Variants in EZR observed in about 807,000 individuals in gnomAD.
The protein encoded by EZR is ezrin, also known as cytovillin 2.
Under a neutral mutation model 74.8 loss-of-function variants are expected in EZR, and 40 were observed. That is an observed-to-expected ratio of 0.53 (90% confidence interval 0.42 to 0.70). The LOEUF (loss-of-function observed/expected upper bound fraction) is 0.70. EZR is among the 30% of genes least tolerant of loss of function. The probability of loss-of-function intolerance (pLI) is 0.00; values close to 1 mark genes in which losing one functional copy is unlikely to be tolerated. For missense variants in EZR, 678 were observed against 755.8 expected (o/e 0.90, Z 1.21); for synonymous variants, 341 against 283.3 (o/e 1.20, Z -2.05).
chr6:158,780,716 A>C (rs1791412822), intron 7 of EZR, among the ~76,000 whole-genome samples: 1 of 152,218 alleles, frequency 6.6e-6, no homozygotes, highest in Admixed American at 6.5e-5. Flanking sequence ...TACAGGACTA[A>C]AGATCAGGTT....
At chr6:158,795,691 G>T (rs1777057570) in intron 2 of EZR, among the ~76,000 whole-genome samples, 1 of 152,132 alleles carries the variant, frequency 6.6e-6, no homozygotes. Flanking sequence ...AATGAAGATG[G>T]GTGTGCCTCA....
chr6:158,791,909 C>T (rs1344344443), intron 2 of EZR, among the ~76,000 whole-genome samples: 3 of 151,714 alleles, frequency 2.0e-5, no homozygotes, highest in South Asian at 4.2e-4. Context: ...AGGGTTTCAC[C>T]GTGTTAGCCA....
Position 158,785,567 on chromosome 6 carries a change from A to T in EZR, c.209T>A (p.Val70Asp). 1 of 1,613,694 alleles carries T rather than the reference A, an allele frequency of 6.2e-7. No individual in the cohort carries two copies. Among genetic ancestry groups the T allele is most frequent in the South Asian group, 1.1e-5 (1 of 91,052 alleles). The change falls in exon 5 of 14, where the codon GTC becomes GAC. Residue 70 changes from valine to aspartate, a missense_variant. Val to Asp is a radical substitution (Grantham distance 152). Transcript: ENST00000367075. ...GAACTGGAGGGGATTCTCCTTCCTGACCTCCTGGGCAGACACCTGCACGAA... is the reference window on the plus strand; with the variant it reads ...GAACTGGAGGGGATTCTCCTTCCTGTCCTCCTGGGCAGACACCTGCACGAA... The part of the protein sequence containing the change: ...KLDKKVSAQE[V>D]RKENPLQFKF...
intron 7 of EZR, among the ~76,000 whole-genome samples, chr6:158,779,384 T>G (rs1275247701): frequency 6.6e-6 from 1 of 151,848 alleles, no homozygotes; most frequent in East Asian, 1.9e-4. Context: ...GGGGCAGAAA[T>G]AGGACATCAG....
At chr6:158,771,066 C>T (rs757868904) in intron 9 of EZR, among the ~76,000 whole-genome samples, 172 bp from the exon 10 acceptor site, 10 of 152,224 alleles carry the variant, frequency 6.6e-5, no homozygotes, top group Non-Finnish European at 1.0e-4. Context: ...GGGCTGACAA[C>T]AGGCTCAGCA....
chr6:158,792,571 G>A (rs1325935607), intron 2 of EZR, among the ~76,000 whole-genome samples: 1 of 150,538 alleles, frequency 6.6e-6, no homozygotes, highest in Non-Finnish European at 1.5e-5. Flanking sequence ...CGTAATCCCA[G>A]CACTTTGGGA....
intron 2 of EZR, among the ~76,000 whole-genome samples, chr6:158,816,440 A>G (rs1777555649): frequency 6.6e-6 from 1 of 152,172 alleles, no homozygotes; most frequent in African/African-American, 2.4e-5. Flanking sequence ...ATCTTAGCTG[A>G]GCTCTGCACC....
intron 4 of EZR, among the ~76,000 whole-genome samples, chr6:158,786,483 T>C (rs955391213): frequency 6.6e-6 from 1 of 152,204 alleles, no homozygotes; most frequent in Admixed American, 6.5e-5. Flanking sequence ...ATGCTATCAA[T>C]CCTGGAGAAC....
In EZR at chr6:158,805,435, T is replaced by C. The variant is rs1002989709; in HGVS notation, c.12+12647A>G. ...TAAACCATACTTAAGTCTTGTGCCA[T>C]TGCTGAGATAAATTTTTGCCCCTAG... On this transcript the variant is annotated intron_variant, in intron 2 of 13. Transcript: ENST00000367075. Among the ~76,000 whole-genome samples the C allele has an allele frequency of 2.0e-5, 3 of 152,080 alleles. No individual in the cohort carries two copies. The East Asian group carries it at 5.8e-4, about 29-fold the overall frequency.
At chr6:158,778,399 A>C (rs1031527573) in intron 7 of EZR, among the ~76,000 whole-genome samples, 2 of 152,216 alleles carry the variant, frequency 1.3e-5, no homozygotes, top group African/African-American at 4.8e-5. Context: ...ACTCATAAGC[A>C]TAACTGCAGT....
rs1447829222 is a variant in EZR at position 158,771,314 on chromosome 6, G to C, written c.889C>G (p.Pro297Ala). 2 of 1,614,066 alleles carry C rather than the reference G, an allele frequency of 1.2e-6. No homozygotes were observed. The highest frequency in any genetic ancestry group is 1.3e-5 in the African/African-American group (1 of 74,936). The part of the protein sequence containing the change: ...NHELYMRRRK[P>A]DTIEVQQMKA... Reference sequence around the variant, plus strand: ...ATCTGCTGCACCTCGATGGTGTCAGGCTTCCTGCGGCGCATATACAACTCA... The same window carrying C: ...ATCTGCTGCACCTCGATGGTGTCAGCCTTCCTGCGGCGCATATACAACTCA... Residue 297 changes from proline (P) to alanine (A), a missense_variant, in exon 9 of 14, where the codon CCT (proline) becomes GCT (alanine). Around this residue, in one of 3 missense-constraint regions of EZR, gnomAD observed 119 missense variants for 182.3 expected, o/e 0.65. Coordinates refer to ENST00000367075, the MANE Select transcript of EZR (RefSeq NM_001111077.2).
In EZR at chr6:158,783,519, C is replaced by CT; in HGVS notation, c.698dup (p.Leu234ValfsTer11). 6.2e-7 allele frequency: 1 copy of CT among 1,611,636 alleles called. No individual in the cohort carries two copies. Among genetic ancestry groups the CT allele is most frequent in the African/African-American group, 1.3e-5 (1 of 74,696 alleles). Reference sequence around the variant, plus strand: ...GAAGATAACTGTGAACTTCAACTCACTTATCATCTTTCTCATAAATATTCA... The same window carrying CT: ...GAAGATAACTGTGAACTTCAACTCACTTTATCATCTTTCTCATAAATATTCA... On this transcript the variant is annotated frameshift_variant and splice_region_variant. Transcript: ENST00000367075. LOFTEE classifies it high-confidence loss of function.
chr6:158,769,513 C>T (rs2128564383), intron 11 of EZR, 95 bp from the exon 12 acceptor site: 1 of 1,272,116 alleles, frequency 7.9e-7, no homozygotes, highest in Non-Finnish European at 1.1e-6. Context: ...AAGCAGTCTC[C>T]AACGTGACAC....
At position 158,766,939 on chromosome 6, in the gene EZR, C is replaced by T. The variant is rs2128563240; in HGVS notation, c.1736G>A (p.Arg579His). Reference protein sequence around the residue: ...RQIRQGNTKQRIDEFEAL With the variant: ...RQIRQGNTKQHIDEFEAL Reference sequence around the variant, plus strand: ...TTACAGGGCCTCGAACTCGTCGATGCGCTGCTTGGTGTTGCCCTGCCGGAT... The same window carrying T: ...TTACAGGGCCTCGAACTCGTCGATGTGCTGCTTGGTGTTGCCCTGCCGGAT... Residue 579 changes from arginine to histidine, a missense_variant, in exon 14 of 14, where the codon CGC becomes CAC. Transcript: ENST00000367075. The T allele has an allele frequency of 1.9e-6, 3 of 1,614,160 alleles. No individual in the cohort carries two copies. Among genetic ancestry groups the T allele is most frequent in the Non-Finnish European group, 2.5e-6 (3 of 1,180,024 alleles).
intron 2 of EZR, among the ~76,000 whole-genome samples, chr6:158,814,545 CTT>C (rs140662494): frequency 0.51 from 64,650 of 127,298 alleles, 15,069 homozygotes; most frequent in Non-Finnish European, 0.56. Context: ...TGAATAAAGT[CTT>C]TTTTTTTTTT....
At chr6:158,805,156 C>T (rs564857510) in intron 2 of EZR, among the ~76,000 whole-genome samples, 1 of 151,840 alleles carries the variant, frequency 6.6e-6, no homozygotes, top group Non-Finnish European at 1.5e-5. Context: ...TCCTGGCCAA[C>T]ATGGTGAAAC....
At chr6:158,806,227 G>C (rs374514135) in intron 2 of EZR, among the ~76,000 whole-genome samples, 3 of 152,194 alleles carry the variant, frequency 2.0e-5, no homozygotes, top group Non-Finnish European at 4.4e-5. Flanking sequence ...GAGCACAAAG[G>C]TTGCCCCAGC....
At chr6:158,790,654 C>A (rs532898123) in intron 2 of EZR, among the ~76,000 whole-genome samples, 46 of 151,772 alleles carry the variant, frequency 3.0e-4, no homozygotes, top group African/African-American at 1.0e-3. Context: ...AGCCTCGGCT[C>A]CGGAGCAAGA....
At chr6:158,776,278 G>A in intron 8 of EZR, 130 bp downstream of exon 8, 2 of 755,942 alleles carry the variant, frequency 2.6e-6, no homozygotes, top group Non-Finnish European at 4.6e-6. Context: ...CAGGATCTCT[G>A]GCCCTCAATG....
Sources: allele counts gnomAD v4.1 joint callset (sites outside exome capture counted in the v4.1 genomes callset), GRCh38; gene constraint gnomAD v4.1.1; regional missense constraint gnomAD v4.1.1; transcripts MANE v1.5; gene names NCBI Gene and HGNC (gene_info 2026-07-23, HGNC 2026-07-21).